The following GPRIN3 variants were observed in gnomAD, a reference collection of about 807,000 sequenced individuals.
GPRIN3 encodes G protein-regulated inducer of neurite outgrowth 3.
A neutral mutation model predicts 13.7 loss-of-function variants in GPRIN3; 12 were observed. That is an observed-to-expected ratio of 0.87 (90% CI 0.56 to 1.42). The LOEUF is 1.42. Ranked by LOEUF, GPRIN3 falls within the 40% of genes most tolerant of loss-of-function variation. The pLI, the probability that GPRIN3 is intolerant of heterozygous loss-of-function variation, is 0.00. For synonymous variants in GPRIN3, 377 were observed against 372.7 expected (o/e 1.01, Z -0.13); for missense variants, 1,009 against 958.7 (o/e 1.05, Z -0.69).
intron 1 of GPRIN3, among the ~76,000 whole-genome samples, chr4:89,278,908 C>G (rs1187089829): frequency 6.6e-6 from 1 of 152,174 alleles, no homozygotes; most frequent in Non-Finnish European, 1.5e-5. Context: ...GGGTACAAAC[C>G]AAGTCATGGT....
intron 1 of GPRIN3, among the ~76,000 whole-genome samples, chr4:89,261,578 G>A (rs1347222557): frequency 2.0e-5 from 3 of 152,172 alleles, no homozygotes; most frequent in African/African-American, 4.8e-5. Context: ...ATTTGGCAAT[G>A]TTTATCAAAA....
At chr4:89,279,267 T>C (rs1377898341) in intron 1 of GPRIN3, among the ~76,000 whole-genome samples, 8 of 152,192 alleles carry the variant, frequency 5.3e-5, no homozygotes, top group Admixed American at 3.9e-4. Flanking sequence ...CTTTAAAACA[T>C]GTCCTCAGTA....
Position 89,248,795 on chromosome 4 carries a change from C to T in GPRIN3, c.1316G>A (p.Arg439Lys), listed in dbSNP as rs74653642. 8,070 of 1,614,162 alleles carry T rather than the reference C, an allele frequency of 5.0e-3. 324 individuals carry two copies. The African/African-American group carries it at 0.088, about 18-fold the overall frequency. The stretch of plus-strand genomic sequence containing the variant: ...CCTCACTGGAGTCATTCCTGCTAAC[C>T]TCCCATCTTCTTTACACGTATGCTG... ...NAQHTCKEDG[R>K]LAGMTPVREE... The change falls in exon 2 of 2, where the codon AGG becomes AAG. Residue 439 changes from arginine to lysine, a missense_variant. Transcript: ENST00000609438.
intron 1 of GPRIN3, among the ~76,000 whole-genome samples, chr4:89,289,742 GAC>G (rs1397654621): frequency 6.6e-6 from 1 of 152,104 alleles, no homozygotes; most frequent in Non-Finnish European, 1.5e-5. Flanking sequence ...AGCTGCCTCA[GAC>G]ACAGTTTTTC....
In GPRIN3 at chr4:89,240,946, C is replaced by G. The variant is rs1007746735; in HGVS notation, c.*6834G>C. On this transcript the variant is annotated 3_prime_UTR_variant, in exon 2 of 2. Coordinates refer to ENST00000609438, the MANE Select transcript of GPRIN3 (RefSeq NM_198281.3). Reference sequence around the variant, plus strand: ...TTTGAACAACTGTTTCATCTTCCTTCTTTCCTGCAACTGCTTTGAGGATTT... The same window carrying G: ...TTTGAACAACTGTTTCATCTTCCTTGTTTCCTGCAACTGCTTTGAGGATTT... The G allele has an allele frequency of 6.6e-6, 1 of 152,130 alleles. No individual in the cohort carries two copies. The highest frequency in any genetic ancestry group is 2.4e-5 in the African/African-American group (1 of 41,438). The allele number at this position is 152,130 out of a possible 1,614,324, so 9.4% of individuals were successfully genotyped here. A position where few individuals can be genotyped will look rare whatever the true frequency, so the allele number is the denominator to read the frequency against.
intron 1 of GPRIN3, among the ~76,000 whole-genome samples, chr4:89,293,418 G>T (rs574476657): frequency 6.6e-6 from 1 of 152,324 alleles, no homozygotes; most frequent in East Asian, 1.9e-4. Context: ...CTGCTCTGAA[G>T]GTCAGTGTAG....
At chr4:89,306,673 C>G (rs568979578) in intron 1 of GPRIN3, among the ~76,000 whole-genome samples, 1 of 152,158 alleles carries the variant, frequency 6.6e-6, no homozygotes, top group Non-Finnish European at 1.5e-5. Flanking sequence ...CTCCCCTCCC[C>G]CTCCAAGCCC....
In GPRIN3 at chr4:89,236,738, C is replaced by CA. The variant is rs1327349876; in HGVS notation, c.*11041dup. 1 of 152,076 alleles carries CA rather than the reference C, an allele frequency of 6.6e-6. No individual in the cohort carries two copies. Among genetic ancestry groups the CA allele is most frequent in the Non-Finnish European group, 1.5e-5 (1 of 68,016 alleles). 9.4% of individuals were successfully genotyped at this position (152,076 alleles called of 1,614,324 possible). On this transcript the variant is annotated 3_prime_UTR_variant, in exon 2 of 2. Coordinates refer to ENST00000609438, the MANE Select transcript of GPRIN3 (RefSeq NM_198281.3). ...ATTTGAACCCAGGGTCCTTTGATTCCAAGCCCAGATATTTACCACAATATC... is the reference window on the plus strand; with the variant it reads ...ATTTGAACCCAGGGTCCTTTGATTCCAAAGCCCAGATATTTACCACAATATC...
chr4:89,278,870 G>A (rs376827767), intron 1 of GPRIN3, among the ~76,000 whole-genome samples: 6 of 152,176 alleles, frequency 3.9e-5, no homozygotes, highest in African/African-American at 1.4e-4. Context: ...CAGAATTGAG[G>A]GGAAACCTAT....
chr4:89,269,246 G>A (rs1405920565), intron 1 of GPRIN3, among the ~76,000 whole-genome samples: 1 of 152,040 alleles, frequency 6.6e-6, no homozygotes, highest in Non-Finnish European at 1.5e-5. Flanking sequence ...GGTCCTGCTG[G>A]GTTTCCTTTA....
chr4:89,263,504 G>A (rs1334145644), intron 1 of GPRIN3, among the ~76,000 whole-genome samples: 1 of 152,142 alleles, frequency 6.6e-6, no homozygotes, highest in African/African-American at 2.4e-5. Flanking sequence ...GATTCAAATG[G>A]CCAGGCAGGA....
At chr4:89,258,505 T>G (rs116469971) in intron 1 of GPRIN3, among the ~76,000 whole-genome samples, 1,902 of 152,204 alleles carry the variant, frequency 0.012, 52 homozygotes, top group African/African-American at 0.044. Context: ...TGAGCCACTG[T>G]GCCTGGCCAA....
At chr4:89,251,960 G>T (rs897330154) in intron 1 of GPRIN3, among the ~76,000 whole-genome samples, 2 of 151,792 alleles carry the variant, frequency 1.3e-5, no homozygotes, top group African/African-American at 4.8e-5. Flanking sequence ...AATTATATGT[G>T]TGTGTTTATA....
At chr4:89,286,287 G>T (rs1724412020) in intron 1 of GPRIN3, among the ~76,000 whole-genome samples, 1 of 152,114 alleles carries the variant, frequency 6.6e-6, no homozygotes, top group Non-Finnish European at 1.5e-5. Flanking sequence ...TTTGCTGATG[G>T]TCTTATTAAA....
chr4:89,259,474 C>G (rs114863229), intron 1 of GPRIN3, among the ~76,000 whole-genome samples: 1 of 152,132 alleles, frequency 6.6e-6, no homozygotes, highest in African/African-American at 2.4e-5. Context: ...TTAAACAACA[C>G]GCTAATAAAA....
intron 1 of GPRIN3, among the ~76,000 whole-genome samples, chr4:89,270,492 T>C (rs1723903470): frequency 6.8e-6 from 1 of 147,738 alleles, no homozygotes; most frequent in African/African-American, 2.5e-5. Context: ...ATTTACCATA[T>C]TTGGCATTTT....
At chr4:89,270,302 TG>T (rs1396858203) in intron 1 of GPRIN3, among the ~76,000 whole-genome samples, 1 of 150,942 alleles carries the variant, frequency 6.6e-6, no homozygotes, top group Non-Finnish European at 1.5e-5. Context: ...TAAGTCTCTC[TG>T]CAATTCTCTT....
At chr4:89,254,236 A>G (rs1723409760) in intron 1 of GPRIN3, among the ~76,000 whole-genome samples, 1 of 148,648 alleles carries the variant, frequency 6.7e-6, no homozygotes, top group Non-Finnish European at 1.5e-5. Context: ...CTTTTTTTAA[A>G]CCTTTTTTTT....
rs2149245494 is a variant in GPRIN3 at position 89,240,046 on chromosome 4, AC to A, written c.*7733del. The A allele has an allele frequency of 6.6e-6, 1 of 152,298 alleles. No individual in the cohort carries two copies. Among genetic ancestry groups the A allele is most frequent in the East Asian group, 1.9e-4 (1 of 5,180 alleles). 9.4% of individuals were successfully genotyped at this position (152,298 alleles called of 1,614,324 possible). On this transcript the variant is annotated 3_prime_UTR_variant, in exon 2 of 2. Coordinates refer to ENST00000609438, the MANE Select transcript of GPRIN3 (RefSeq NM_198281.3). ...GGTCAAATTGTGTTAGGTTTTAAGA[AC>A]CAGGTGAGACTTTTTGATCCCTAAT...
Sources: gnomAD v4.1 joint callset for allele counts (sites outside exome capture counted in the v4.1 genomes callset) on GRCh38, gnomAD v4.1.1 for gene constraint, MANE v1.5 for transcripts, NCBI Gene and HGNC (gene_info 2026-07-23, HGNC 2026-07-21) for gene names.